Variants in PUM2 observed in about 807,000 individuals in gnomAD.
PUM2 encodes the protein pumilio RNA binding family member 2, also known as pumilio homolog 2.
A neutral mutation model predicts 124.5 loss-of-function variants in PUM2; 57 were observed. That is an observed-to-expected ratio of 0.46 (90% confidence interval 0.37 to 0.57). The LOEUF is 0.57. Ranked by LOEUF, PUM2 falls within the 20% of genes least tolerant of loss-of-function variation. The pLI is 0.00. For missense variants in PUM2, 1,065 were observed against 1,290.6 expected, an observed-to-expected ratio of 0.83 and a Z score of 2.68; for synonymous variants, 460 against 446.1, an observed-to-expected ratio of 1.03 and a Z score of -0.39.
At chr2:20,279,654 G>T (rs1182317616) in intron 12 of PUM2, among the ~76,000 whole-genome samples, 1 of 152,058 alleles carries the variant, frequency 6.6e-6, no homozygotes, top group East Asian at 1.9e-4. Context: ...AATATCAAAT[G>T]TAACTATTAT....
chr2:20,262,538 C>T (rs145064365), intron 14 of PUM2, among the ~76,000 whole-genome samples: 127 of 152,268 alleles, frequency 8.3e-4, no homozygotes, highest in African/African-American at 3.0e-3. Flanking sequence ...TTTTCTAGAA[C>T]GTATCCCCGT....
At chr2:20,351,494 A>G (rs79168280), upstream of PUM2, among the ~76,000 whole-genome samples, 999 of 152,314 alleles carry the variant, frequency 6.6e-3, 6 homozygotes, top group African/African-American at 0.022. Context: ...AAGGAAACTC[A>G]GGTCGTTCTC....
intron 20 of PUM2, among the ~76,000 whole-genome samples, chr2:20,252,856 C>T (rs1558465366): frequency 6.6e-6 from 1 of 152,184 alleles, no homozygotes; most frequent in Non-Finnish European, 1.5e-5. Context: ...GATTCAACCA[C>T]TGATCAAAAA....
At chr2:20,334,949 CTGTTT>C (rs1186402853) in intron 1 of PUM2, among the ~76,000 whole-genome samples, 3 of 152,106 alleles carry the variant, frequency 2.0e-5, no homozygotes, top group Non-Finnish European at 4.4e-5. Flanking sequence ...CCTCCTTGGA[CTGTTT>C]TGTTTTTTTT....
At chr2:20,351,207 C>G (rs1216481811), upstream of PUM2, among the ~76,000 whole-genome samples, 1 of 152,194 alleles carries the variant, frequency 6.6e-6, no homozygotes, top group Non-Finnish European at 1.5e-5. Flanking sequence ...CTGTTTTCCC[C>G]CAACTGGGTG....
chr2:20,346,065 A>G lies in PUM2; in HGVS notation c.-19+4532T>C, dbSNP rs368069585. 3.2e-4 allele frequency among the ~76,000 whole-genome samples: 49 copies of G among 152,336 alleles called. No homozygotes were observed. In the South Asian group the frequency reaches 9.7e-3, roughly 30 times the overall value. On this transcript the variant is annotated intron_variant, in intron 1 of 20. Transcript: ENST00000361078. ...CTAGTGTAGGATGCACATAATTTAGATATTAAGACGAGGGCACCTAAGACT... is the reference window on the plus strand; with the variant it reads ...CTAGTGTAGGATGCACATAATTTAGGTATTAAGACGAGGGCACCTAAGACT...
chr2:20,301,000 G>A (rs1036709309), intron 7 of PUM2, among the ~76,000 whole-genome samples: 1 of 152,124 alleles, frequency 6.6e-6, no homozygotes, highest in African/African-American at 2.4e-5. Flanking sequence ...TCAAAAGAAT[G>A]CAATCATTTG....
rs143734634 is a variant in PUM2, at chr2:20,322,546, G to A, written c.52-3901C>T. Among the ~76,000 whole-genome samples the A allele has an allele frequency of 3.4e-3, 520 of 152,262 alleles. 4 individuals are homozygous for A. Among genetic ancestry groups the A allele is most frequent in the African/African-American group, 0.012 (479 of 41,534 alleles). ...GATGGAATGAGCCTGGGAGGTCAAG[G>A]CTGCAGCGAGCTATAATTAGCTGAG... On this transcript the variant is annotated intron_variant, in intron 2 of 20. Coordinates refer to ENST00000361078, the MANE Select transcript of PUM2 (RefSeq NM_015317.5).
At chr2:20,298,722 T>A (rs1338312737) in intron 7 of PUM2, among the ~76,000 whole-genome samples, 1 of 151,932 alleles carries the variant, frequency 6.6e-6, no homozygotes, top group Non-Finnish European at 1.5e-5. Flanking sequence ...TACAAAAAAA[T>A]TAGCTGGGAG....
intron 3 of PUM2, among the ~76,000 whole-genome samples, chr2:20,314,718 G>A (rs1470846506): frequency 6.6e-6 from 1 of 152,128 alleles, no homozygotes; most frequent in African/African-American, 2.4e-5. Context: ...CAGGAGATTA[G>A]TCATTATATC....
intron 2 of PUM2, among the ~76,000 whole-genome samples, chr2:20,318,973 A>G (rs1681661511): frequency 6.6e-6 from 1 of 152,200 alleles, no homozygotes; most frequent in Non-Finnish European, 1.5e-5. Flanking sequence ...AAGCACATCC[A>G]TAGGAATGAC....
intron 3 of PUM2, 92 bp from the exon 4 acceptor site, chr2:20,312,515 A>ACAT: frequency 8.5e-7 from 1 of 1,177,800 alleles, no homozygotes; most frequent in Non-Finnish European, 1.2e-6. Flanking sequence ...AAAAATCAGC[A>ACAT]CATTGTTTTA....
intron 12 of PUM2, among the ~76,000 whole-genome samples, chr2:20,280,978 A>G (rs566165793): frequency 2.0e-5 from 3 of 152,316 alleles, no homozygotes; most frequent in African/African-American, 7.2e-5. Flanking sequence ...CATAGAGGTA[A>G]GAGAAGGACT....
At chr2:20,256,622 C>T (rs1011108847) in intron 16 of PUM2, among the ~76,000 whole-genome samples, 1 of 152,172 alleles carries the variant, frequency 6.6e-6, no homozygotes, top group Non-Finnish European at 1.5e-5. Flanking sequence ...GTGAGTTTAT[C>T]AAGTACATAG....
At position 20,283,846 on chromosome 2, in the gene PUM2, G is replaced by C. The variant is rs568819291; in HGVS notation, c.1292-360C>G. 1.2e-4 allele frequency among the ~76,000 whole-genome samples: 19 copies of C among 152,268 alleles called. No individual in the cohort carries two copies. The South Asian group carries it at 3.1e-3, about 25-fold the overall frequency. On this transcript the variant is annotated intron_variant, in intron 10 of 20. Transcript: ENST00000361078. ...TAAAAAAACTGGGAGTAGCGAGGTAGAACACTGTACGAAATGTTTACTGTG... is the reference window on the plus strand; with the variant it reads ...TAAAAAAACTGGGAGTAGCGAGGTACAACACTGTACGAAATGTTTACTGTG...
Position 20,278,610 on chromosome 2 carries a change from G to A in PUM2, c.1930C>T (p.His644Tyr). 1 of 1,612,692 alleles carries A rather than the reference G, an allele frequency of 6.2e-7. No individual in the cohort carries two copies. Among genetic ancestry groups the A allele is most frequent in the Non-Finnish European group, 8.5e-7 (1 of 1,179,024 alleles). Residue 644 changes from histidine to tyrosine, a missense_variant, in exon 13 of 21, where the codon CAT becomes TAT. This residue lies in a region of PUM2 where 968 missense variants were observed against 1,159.8 expected (regional missense o/e 0.83). Transcript: ENST00000361078. ...AAATGCAAACTGGATGAGGATCCAT[G>A]TGATGAAAGTGATGGCGGTGGCGTA... ...SLTPPPSLSS[H>Y]GSSSSLHLGG...
chr2:20,255,713 C>T (rs1027404086), intron 17 of PUM2, among the ~76,000 whole-genome samples: 3 of 152,116 alleles, frequency 2.0e-5, no homozygotes, highest in Non-Finnish European at 4.4e-5. Flanking sequence ...ATTATACAGT[C>T]TTATGTCTTT....
chr2:20,315,451 ATGTT>A (rs1165523293), intron 3 of PUM2, among the ~76,000 whole-genome samples: 1 of 152,192 alleles, frequency 6.6e-6, no homozygotes. Context: ...CATTCAATAA[ATGTT>A]TGTTAGGTAA....
At chr2:20,252,941 C>T (rs997805823) in intron 20 of PUM2, among the ~76,000 whole-genome samples, 1 of 152,158 alleles carries the variant, frequency 6.6e-6, no homozygotes, top group Non-Finnish European at 1.5e-5. Context: ...TTACATAGCA[C>T]TTACACTGTA....
Sources: allele counts gnomAD v4.1 joint callset (sites outside exome capture counted in the v4.1 genomes callset), GRCh38; gene constraint gnomAD v4.1.1; regional missense constraint gnomAD v4.1.1; transcripts MANE v1.5; gene names NCBI Gene and HGNC (gene_info 2026-07-23, HGNC 2026-07-21).